Variants in RPA1 observed in about 807,000 individuals in gnomAD.
RPA1 encodes the protein replication protein A 70 kDa DNA-binding subunit.
Under a neutral mutation model 83.0 loss-of-function variants are expected in RPA1, and 49 were observed. The observed-to-expected ratio is 0.59, with a 90% CI of 0.47 to 0.75. The LOEUF (loss-of-function observed/expected upper bound fraction) is 0.75, where lower values mean the gene tolerates loss of function less well. Among genes scored for constraint, RPA1 ranks in the 30% least tolerant of loss-of-function variants. The pLI is 0.00. For missense variants in RPA1, 693 were observed against 776.1 expected, an observed-to-expected ratio of 0.89 and a Z score of 1.27; for synonymous variants, 279 against 281.8, an observed-to-expected ratio of 0.99 and a Z score of 0.10.
Position 1,865,353 on chromosome 17 carries a change from G to A in RPA1, c.362-7081G>A, listed in dbSNP as rs563387948. 2.6e-5 allele frequency among the ~76,000 whole-genome samples: 4 copies of A among 152,242 alleles called. No homozygotes were observed. The South Asian group carries it at 6.2e-4, about 24-fold the overall frequency. ...AAAATTGTATTTAAGTACATAGATC[G>A]TGTGAGTGAGTCTACTGCGGGAATG... On this transcript the variant is annotated intron_variant, in intron 5 of 16. Coordinates refer to ENST00000254719, the MANE Select transcript of RPA1 (RefSeq NM_002945.5).
At chr17:1,890,434 A>T (rs1004239969) in intron 14 of RPA1, among the ~76,000 whole-genome samples, 3 of 152,080 alleles carry the variant, frequency 2.0e-5, no homozygotes, top group African/African-American at 7.2e-5. Context: ...AGGCTGAGGC[A>T]GGCGGATCAC....
chr17:1,832,799 ATTAAAT>A (rs1488244755), intron 1 of RPA1, among the ~76,000 whole-genome samples: 1 of 152,252 alleles, frequency 6.6e-6, no homozygotes, highest in African/African-American at 2.4e-5. Context: ...GGAGTGAGTT[ATTAAAT>A]TTAAAGTGCT....
chr17:1,883,315 C>G (rs1485735857), intron 12 of RPA1, among the ~76,000 whole-genome samples: 1 of 152,134 alleles, frequency 6.6e-6, no homozygotes, highest in Non-Finnish European at 1.5e-5. Context: ...AGGCACCCAC[C>G]ACCACGCCCG....
At position 1,894,200 on chromosome 17, in the gene RPA1, T is replaced by A. The variant is rs373202862; in HGVS notation, c.1660-809T>A. On this transcript the variant is annotated intron_variant, in intron 15 of 16. Coordinates refer to ENST00000254719, the MANE Select transcript of RPA1 (RefSeq NM_002945.5). ...TTTTTTTTTTTTTTGAGAGTCTCGC[T>A]CCATAGCCCATGCTGGAGTGCAGTA... Among the ~76,000 whole-genome samples the A allele has an allele frequency of 6.6e-5, 10 of 150,814 alleles. No individual in the cohort carries two copies. In the East Asian group the frequency reaches 1.6e-3, roughly 24 times the overall value.
intron 5 of RPA1, among the ~76,000 whole-genome samples, chr17:1,856,065 T>TA: frequency 6.6e-6 from 1 of 152,244 alleles, no homozygotes; most frequent in East Asian, 1.9e-4. Flanking sequence ...GGCTCACACT[T>TA]GTAATCCCAA....
intron 1 of RPA1, among the ~76,000 whole-genome samples, chr17:1,833,142 G>T (rs1030279247): frequency 1.3e-5 from 2 of 148,678 alleles, no homozygotes; most frequent in Non-Finnish European, 3.0e-5. Context: ...GGCCAGGCTG[G>T]TCTTGAACTC....
chr17:1,846,691 T>G (rs896214214), intron 4 of RPA1, among the ~76,000 whole-genome samples: 1 of 152,134 alleles, frequency 6.6e-6, no homozygotes, highest in Non-Finnish European at 1.5e-5. Context: ...TTCAACGAAG[T>G]TTTTCTGTGT....
At chr17:1,846,332 T>TC (rs1912253731) in intron 4 of RPA1, among the ~76,000 whole-genome samples, 1 of 148,066 alleles carries the variant, frequency 6.8e-6, no homozygotes, top group Non-Finnish European at 1.5e-5. Context: ...TTTTTTTTTT[T>TC]TTCTCCTGAG....
chr17:1,873,860 G>C (rs1913469570), intron 6 of RPA1, among the ~76,000 whole-genome samples: 1 of 151,536 alleles, frequency 6.6e-6, no homozygotes, highest in Admixed American at 6.6e-5. Flanking sequence ...GGGCATGGTG[G>C]TGTGCACCTG....
chr17:1,875,521 A>G, intron 6 of RPA1, 140 bp from the exon 7 acceptor site: 2 of 904,070 alleles, frequency 2.2e-6, no homozygotes, highest in Non-Finnish European at 3.2e-6. Context: ...TCTCTTGCAT[A>G]TAAAAAGGAA....
chr17:1,873,992 C>CAAAAAAAAAAAAA (rs71150832), intron 6 of RPA1, among the ~76,000 whole-genome samples: 6 of 45,420 alleles, frequency 1.3e-4, no homozygotes, highest in African/African-American at 8.0e-4. Context: ...GACTCTGTCT[C>CAAAAAAAAAAAAA]AAAAAAAAAA....
intron 4 of RPA1, among the ~76,000 whole-genome samples, chr17:1,850,967 CTT>C (rs1338708112): frequency 6.6e-6 from 1 of 151,906 alleles, no homozygotes; most frequent in Non-Finnish European, 1.5e-5. Context: ...TTCTGGAAAA[CTT>C]TAAACATCTA....
At chr17:1,877,733 G>A (rs1362439562) in intron 8 of RPA1, among the ~76,000 whole-genome samples, 3 of 152,176 alleles carry the variant, frequency 2.0e-5, no homozygotes, top group Non-Finnish European at 4.4e-5. Flanking sequence ...GCTTGTGAGC[G>A]CCGTGGAGCT....
intron 12 of RPA1, among the ~76,000 whole-genome samples, chr17:1,883,439 G>A (rs1257914290): frequency 6.6e-6 from 1 of 152,054 alleles, no homozygotes; most frequent in East Asian, 1.9e-4. Flanking sequence ...GGGGTTACAG[G>A]CATGAGCCAC....
chr17:1,839,265 T>A (rs1911947044), intron 1 of RPA1, among the ~76,000 whole-genome samples: 1 of 152,214 alleles, frequency 6.6e-6, no homozygotes, highest in Non-Finnish European at 1.5e-5. Context: ...TCATAAACAT[T>A]GAAGATTTAT....
chr17:1,837,950 GTTTGTTTTTGT>G (rs1164552461), intron 1 of RPA1, among the ~76,000 whole-genome samples: 1 of 151,172 alleles, frequency 6.6e-6, no homozygotes, highest in Non-Finnish European at 1.5e-5. Flanking sequence ...GTGTTTTTTT[GTTTGTTTTTGT>G]TTTGTTTTTT....
In RPA1 at chr17:1,899,441, A is replaced by G. The variant is rs1914569883; in HGVS notation, c.*2266A>G. 1 of 152,258 alleles carries G rather than the reference A, an allele frequency of 6.6e-6. No individual in the cohort carries two copies. Among genetic ancestry groups the G allele is most frequent in the Admixed American group, 6.5e-5 (1 of 15,268 alleles). The allele number at this position is 152,258 out of a possible 1,614,324, so 9.4% of individuals were successfully genotyped here. ...CGCCTTTATTTCAAGTGGTTCTTGA[A>G]TTCCCTCCAGTCTCATTGTGAAAGG... On this transcript the variant is annotated 3_prime_UTR_variant, in exon 17 of 17. Coordinates refer to ENST00000254719, the MANE Select transcript of RPA1 (RefSeq NM_002945.5).
chr17:1,856,348 A>G (rs533605924), intron 5 of RPA1, among the ~76,000 whole-genome samples: 1 of 54 alleles, frequency 0.019, no homozygotes, highest in South Asian at 0.25. Flanking sequence ...CATAATCCCA[A>G]AACTTTTGGG....
chr17:1,836,706 G>C (rs1911837029), intron 1 of RPA1, among the ~76,000 whole-genome samples: 3 of 151,100 alleles, frequency 2.0e-5, no homozygotes, highest in African/African-American at 7.3e-5. Flanking sequence ...CTGTCACCCA[G>C]GCTGGAGTGC....
Sources: allele counts gnomAD v4.1 joint callset (sites outside exome capture counted in the v4.1 genomes callset), GRCh38; gene constraint gnomAD v4.1.1; transcripts MANE v1.5; gene names NCBI Gene and HGNC (gene_info 2026-07-23, HGNC 2026-07-21).